The following SORCS2 variants were observed in gnomAD, a reference collection of about 807,000 sequenced individuals.
SORCS2 encodes VPS10 domain-containing receptor SorCS2.
Under a neutral mutation model 141.6 loss-of-function variants are expected in SORCS2, and 100 were observed. The ratio of observed to expected loss-of-function variants is 0.71; its 90% CI spans 0.60 to 0.83. The LOEUF (loss-of-function observed/expected upper bound fraction) is 0.83. Among genes scored for constraint, SORCS2 ranks in the 40% least tolerant of loss-of-function variants. The probability of loss-of-function intolerance (pLI) is 0.00; values close to 1 mark genes in which losing one functional copy is unlikely to be tolerated. For synonymous variants in SORCS2, 789 were observed against 676.9 expected (o/e 1.17, Z -2.57); for missense variants, 1,646 against 1,560.2 (o/e 1.05, Z -0.93).
At chr4:7,412,397 G>C (rs980489966) in intron 2 of SORCS2, among the ~76,000 whole-genome samples, 3 of 152,204 alleles carry the variant, frequency 2.0e-5, no homozygotes, top group African/African-American at 7.2e-5. Context: ...TTAGCTTTCT[G>C]ACAGTGTGCA....
intron 12 of SORCS2, among the ~76,000 whole-genome samples, chr4:7,700,662 T>C (rs4597831): frequency 0.67 from 102,580 of 152,158 alleles, 34,748 homozygotes; most frequent in East Asian, 0.77. Flanking sequence ...GAGCTAGCAT[T>C]AGGACAGAGG....
chr4:7,492,675 C>T lies in SORCS2; in HGVS notation c.549-38855C>T, dbSNP rs1443100889. Among the ~76,000 whole-genome samples, 8 of 152,340 alleles carry T rather than the reference C, an allele frequency of 5.3e-5. No homozygotes were observed. In the East Asian group the frequency reaches 1.2e-3, roughly 22 times the overall value. On this transcript the variant is annotated intron_variant, in intron 2 of 26. Transcript: ENST00000507866. ...GTAAATAATTAATGAATGAGTCCTT[C>T]CCCAGCCCCTTGGAGACTGGCTGCT...
chr4:7,711,786 G>C (rs765926119), intron 14 of SORCS2, among the ~76,000 whole-genome samples: 1 of 152,212 alleles, frequency 6.6e-6, no homozygotes, highest in South Asian at 2.1e-4. Flanking sequence ...TCTGTAAAAC[G>C]GGCGGACCCG....
At chr4:7,679,190 C>G (rs1315953483) in intron 9 of SORCS2, among the ~76,000 whole-genome samples, 1 of 152,154 alleles carries the variant, frequency 6.6e-6, no homozygotes, top group South Asian at 2.1e-4. Flanking sequence ...GCAGGGGTCT[C>G]TCCCCCAGCA....
At chr4:7,360,065 A>G (rs1050221863) in intron 1 of SORCS2, among the ~76,000 whole-genome samples, 15 of 152,214 alleles carry the variant, frequency 9.9e-5, no homozygotes, top group Admixed American at 4.6e-4. Context: ...ATGAATCCTT[A>G]TAGTATTTTA....
At chr4:7,352,286 G>A (rs1463312038) in intron 1 of SORCS2, among the ~76,000 whole-genome samples, 1 of 152,218 alleles carries the variant, frequency 6.6e-6, no homozygotes, top group Non-Finnish European at 1.5e-5. Context: ...CTGGCGTATT[G>A]TAGGTTTCCA....
chr4:7,309,896 C>T (rs552360514), intron 1 of SORCS2, among the ~76,000 whole-genome samples: 23 of 152,316 alleles, frequency 1.5e-4, no homozygotes, highest in African/African-American at 5.5e-4. Flanking sequence ...AGCTTATGCC[C>T]TCTCCGGAGC....
chr4:7,273,599 C>G (rs1203029613), intron 1 of SORCS2, among the ~76,000 whole-genome samples: 1 of 152,150 alleles, frequency 6.6e-6, no homozygotes, highest in African/African-American at 2.4e-5. Context: ...ATCCTTCCAC[C>G]TTTGCACCCC....
intron 13 of SORCS2, 43 bp downstream of exon 13, chr4:7,703,414 G>T (rs996609294): frequency 1.3e-6 from 2 of 1,541,470 alleles, no homozygotes; most frequent in Admixed American, 1.8e-5. Flanking sequence ...GGCAGGCTGG[G>T]GCTCTTTCTT....
At chr4:7,496,453 T>C (rs56034704) in intron 2 of SORCS2, among the ~76,000 whole-genome samples, 2,814 of 58,138 alleles carry the variant, frequency 0.048, 148 homozygotes, top group African/African-American at 0.17. Context: ...CCCCACCCGT[T>C]CCCCGTCCCC....
chr4:7,343,717 G>C (rs960565757), intron 1 of SORCS2, among the ~76,000 whole-genome samples: 3 of 152,372 alleles, frequency 2.0e-5, no homozygotes, highest in Admixed American at 2.0e-4. Context: ...CACTGTGGCA[G>C]ATGGGGCCGC....
At chr4:7,592,645 G>A (rs1716995287) in intron 3 of SORCS2, among the ~76,000 whole-genome samples, 1 of 152,204 alleles carries the variant, frequency 6.6e-6, no homozygotes, top group Non-Finnish European at 1.5e-5. Flanking sequence ...GTTACATGGG[G>A]TCCCCGAATG....
In SORCS2 at chr4:7,220,171, T is replaced by C. The variant is rs955232021; in HGVS notation, c.480+27045T>C. Among the ~76,000 whole-genome samples the C allele has an allele frequency of 2.0e-5, 3 of 151,918 alleles. No homozygotes were observed. The East Asian group carries it at 5.8e-4, about 30-fold the overall frequency. ...GGGCTGGTGGCAGGCAGCTCTGATG[T>C]GCGAGGCGGCCCTGCACTGAGGGAG... On this transcript the variant is annotated intron_variant, in intron 1 of 26. Coordinates refer to ENST00000507866, the MANE Select transcript of SORCS2 (RefSeq NM_020777.3).
At chr4:7,437,128 G>C (rs80355938) in intron 2 of SORCS2, among the ~76,000 whole-genome samples, 1 of 152,244 alleles carries the variant, frequency 6.6e-6, no homozygotes, top group African/African-American at 2.4e-5. Flanking sequence ...GACCCCACAC[G>C]TTAAGGGCTC....
chr4:7,642,272 T>C (rs936150813), intron 4 of SORCS2, among the ~76,000 whole-genome samples: 4 of 152,244 alleles, frequency 2.6e-5, no homozygotes, highest in Admixed American at 1.3e-4. Context: ...GGATGGCTTG[T>C]GCTTCTGGGT....
chr4:7,654,001 C>A, intron 4 of SORCS2, 133 bp from the exon 5 acceptor site: 1 of 823,634 alleles, frequency 1.2e-6, no homozygotes, highest in Admixed American at 2.3e-5. Flanking sequence ...ATGAGCACAG[C>A]GCCTCCGCGT....
At chr4:7,208,136 ACCGAGGCGG>A (rs1560111648) in intron 1 of SORCS2, among the ~76,000 whole-genome samples, 1 of 152,074 alleles carries the variant, frequency 6.6e-6, no homozygotes, top group Admixed American at 6.5e-5. Flanking sequence ...AAAGAAGACC[ACCGAGGCGG>A]CCCCCAGCTC....
chr4:7,453,485 G>C (rs1383686741), intron 2 of SORCS2, among the ~76,000 whole-genome samples: 2 of 142,006 alleles, frequency 1.4e-5, no homozygotes, highest in African/African-American at 5.4e-5. Flanking sequence ...GCTCCGTCTT[G>C]GGGTCAGGCT....
At chr4:7,546,151 C>T (rs1713246002) in intron 3 of SORCS2, among the ~76,000 whole-genome samples, 3 of 152,170 alleles carry the variant, frequency 2.0e-5, no homozygotes. Context: ...AGGAATACAA[C>T]ATTCAGTCCA....
Sources: gnomAD v4.1 joint callset for allele counts (sites outside exome capture counted in the v4.1 genomes callset) on GRCh38, gnomAD v4.1.1 for gene constraint, MANE v1.5 for transcripts, NCBI Gene and HGNC (gene_info 2026-07-23, HGNC 2026-07-21) for gene names.